Variants in ALK observed in about 807,000 individuals in gnomAD.
ALK encodes ALK tyrosine kinase receptor.
Under a neutral mutation model 163.1 loss-of-function variants are expected in ALK, and 74 were observed. That is an observed-to-expected ratio of 0.45 (90% CI 0.38 to 0.55). The LOEUF is 0.55. ALK is among the 20% of genes least tolerant of loss of function. The pLI, the probability that ALK is intolerant of heterozygous loss-of-function variation, is 0.00. For missense variants in ALK, 2,063 were observed against 2,105.3 expected (o/e 0.98, Z 0.39); for synonymous variants, 960 against 843.2 (o/e 1.14, Z -2.40).
intron 3 of ALK, among the ~76,000 whole-genome samples, chr2:29,670,083 T>G (rs545712059): frequency 2.6e-5 from 4 of 152,228 alleles, no homozygotes; most frequent in African/African-American, 9.6e-5. Flanking sequence ...TATGGGTTTA[T>G]TTGTGTACTT....
intron 23 of ALK, among the ~76,000 whole-genome samples, 160 bp from the exon 24 acceptor site, chr2:29,214,241 A>G (rs919439185): frequency 1.3e-5 from 2 of 152,174 alleles, no homozygotes; most frequent in African/African-American, 4.8e-5. Context: ...ACCTGGAGGC[A>G]TTTGAAAGAA....
At chr2:29,422,699 C>A (rs111240260) in intron 4 of ALK, among the ~76,000 whole-genome samples, 2,143 of 152,232 alleles carry the variant, frequency 0.014, 54 homozygotes, top group African/African-American at 0.046. Flanking sequence ...CCGGTGACAT[C>A]TCTTGCCAGC....
intron 3 of ALK, among the ~76,000 whole-genome samples, chr2:29,557,264 A>G (rs970237678): frequency 6.6e-6 from 1 of 152,248 alleles, no homozygotes; most frequent in Non-Finnish European, 1.5e-5. Context: ...CCTGGAGCAG[A>G]TAATCAAGTA....
Position 29,196,813 on chromosome 2 carries a change from G to T in ALK, c.4121C>A (p.Pro1374His), listed in dbSNP as rs780310741. The change falls in exon 28 of 29, where the codon CCC becomes CAC. Residue 1374 changes from proline to histidine, a missense_variant. Around this residue, in one of 5 missense-constraint regions of ALK, gnomAD observed 403 missense variants for 366.2 expected, o/e 1.10. Transcript: ENST00000389048. Reference protein sequence around the residue: ...QCWQHQPEDRPNFAIILERIE... With the variant: ...QCWQHQPEDRHNFAIILERIE... The stretch of plus-strand genomic sequence containing the variant: ...CCTCTCCAAAATGATGGCAAAGTTG[G>T]GCCTGTCTTCAGGCTGATGTTGCCA... 2.5e-6 allele frequency: 4 copies of T among 1,613,988 alleles called. No individual in the cohort carries two copies. The highest frequency in any genetic ancestry group is 8.5e-7 in the Non-Finnish European group (1 of 1,180,002).
At chr2:29,893,985 A>T (rs1667208649) in intron 1 of ALK, among the ~76,000 whole-genome samples, 1 of 152,212 alleles carries the variant, frequency 6.6e-6, no homozygotes, top group Non-Finnish European at 1.5e-5. Context: ...AGTGCTTGGC[A>T]CATGACAGTC....
chr2:29,607,390 C>A (rs1388607572), intron 3 of ALK, among the ~76,000 whole-genome samples: 1 of 152,182 alleles, frequency 6.6e-6, no homozygotes, highest in East Asian at 1.9e-4. Flanking sequence ...ACATTCCTAT[C>A]CAGCTACCTC....
intron 3 of ALK, among the ~76,000 whole-genome samples, chr2:29,595,465 C>A (rs1021335841): frequency 1.3e-5 from 2 of 151,990 alleles, no homozygotes; most frequent in African/African-American, 4.8e-5. Flanking sequence ...GGACTACAGG[C>A]GCCCACCACC....
At chr2:29,725,867 A>G (rs114722370) in intron 1 of ALK, among the ~76,000 whole-genome samples, 2,618 of 152,200 alleles carry the variant, frequency 0.017, 70 homozygotes, top group African/African-American at 0.058. Context: ...CCTCTTCAGA[A>G]CCTGTATCTC....
intron 5 of ALK, among the ~76,000 whole-genome samples, chr2:29,340,297 T>C (rs1281872383): frequency 1.3e-5 from 2 of 152,196 alleles, no homozygotes; most frequent in South Asian, 2.1e-4. Context: ...CTGAGACTAC[T>C]GCAGGGACCA....
At position 29,908,303 on chromosome 2, in the gene ALK, C is replaced by T. The variant is rs1199459591; in HGVS notation, c.667+11690G>A. The stretch of plus-strand genomic sequence containing the variant: ...GAGCACACACACACACACACACACA[C>T]ACACACATTGTCTATCTGCCTTTCT... On this transcript the variant is annotated intron_variant, in intron 1 of 28. Transcript: ENST00000389048. Among the ~76,000 whole-genome samples the T allele has an allele frequency of 2.0e-5, 3 of 151,994 alleles. 1 individual carries two copies. Among genetic ancestry groups the T allele is most frequent in the Admixed American group, 6.6e-5 (1 of 15,248 alleles).
intron 7 of ALK, 142 bp downstream of exon 7, chr2:29,320,609 T>C (rs1329749704): frequency 1.8e-6 from 2 of 1,138,150 alleles, no homozygotes; most frequent in Non-Finnish European, 2.7e-6. Flanking sequence ...GAAGAGGGAA[T>C]TGTGTGTGAA....
At chr2:29,873,930 T>C (rs1046964321) in intron 1 of ALK, among the ~76,000 whole-genome samples, 1 of 152,116 alleles carries the variant, frequency 6.6e-6, no homozygotes, top group Non-Finnish European at 1.5e-5. Context: ...GCAGATTCCA[T>C]GGGAACCTGG....
intron 4 of ALK, among the ~76,000 whole-genome samples, chr2:29,495,631 T>C (rs1352714695): frequency 2.0e-5 from 3 of 152,208 alleles, no homozygotes; most frequent in Non-Finnish European, 2.9e-5. Context: ...TCCTGGGACC[T>C]TGAGTGATAA....
At chr2:29,321,343 A>C (rs1348325192) in intron 6 of ALK, among the ~76,000 whole-genome samples, 1 of 152,200 alleles carries the variant, frequency 6.6e-6, no homozygotes, top group South Asian at 2.1e-4. Flanking sequence ...TGGTTGATAC[A>C]ATGTCCAGAC....
chr2:29,496,854 T>C (rs1672036683), intron 4 of ALK, among the ~76,000 whole-genome samples: 1 of 152,198 alleles, frequency 6.6e-6, no homozygotes, highest in Non-Finnish European at 1.5e-5. Context: ...TACTGGCTGA[T>C]ATCCATTTGC....
intron 1 of ALK, among the ~76,000 whole-genome samples, chr2:29,794,655 C>G (rs975094895): frequency 6.6e-6 from 1 of 152,060 alleles, no homozygotes; most frequent in Non-Finnish European, 1.5e-5. Context: ...TCTCAGGGAA[C>G]AGGGAAGCCC....
At chr2:29,771,659 C>A (rs555257119) in intron 1 of ALK, among the ~76,000 whole-genome samples, 1 of 152,066 alleles carries the variant, frequency 6.6e-6, no homozygotes, top group Non-Finnish European at 1.5e-5. Flanking sequence ...CTCAGCCTCC[C>A]GAGTAGCTGG....
At chr2:29,615,790 T>C (rs1347777420) in intron 3 of ALK, among the ~76,000 whole-genome samples, 1 of 152,224 alleles carries the variant, frequency 6.6e-6, no homozygotes, top group Admixed American at 6.5e-5. Context: ...GCAGTTTTAA[T>C]GTGCCCTCCA....
chr2:29,789,903 C>T (rs1664145260), intron 1 of ALK, among the ~76,000 whole-genome samples: 1 of 152,160 alleles, frequency 6.6e-6, no homozygotes, highest in Admixed American at 6.5e-5. Flanking sequence ...CCTCAGTTTC[C>T]TGTTTATTTG....
Sources: allele counts gnomAD v4.1 joint callset (sites outside exome capture counted in the v4.1 genomes callset), GRCh38; gene constraint gnomAD v4.1.1; regional missense constraint gnomAD v4.1.1; transcripts MANE v1.5; gene names NCBI Gene and HGNC (gene_info 2026-07-23, HGNC 2026-07-21).